The following UCK2 variants were observed in gnomAD, a reference collection of about 807,000 sequenced individuals.
UCK2 encodes the protein cytidine monophosphokinase 2.
In UCK2, 6 loss-of-function variants were observed where a neutral mutation model predicts 30.8. The ratio of observed to expected loss-of-function variants is 0.19; its 90% CI spans 0.11 to 0.38. The LOEUF (loss-of-function observed/expected upper bound fraction) is 0.38, where lower values mean the gene tolerates loss of function less well. Among genes scored for constraint, UCK2 ranks in the 10% least tolerant of loss-of-function variants. UCK2 has a pLI of 1.00. For missense variants in UCK2, 210 were observed against 339.8 expected (o/e 0.62, Z 3.00); for synonymous variants, 125 against 133.6 (o/e 0.94, Z 0.45).
chr1:165,898,481 G>C (rs954263993), intron 4 of UCK2, among the ~76,000 whole-genome samples: 14 of 152,156 alleles, frequency 9.2e-5, no homozygotes, highest in African/African-American at 3.4e-4. Context: ...AGACTGGTTA[G>C]ATCCTCCAAG....
chr1:165,900,987 G>A (rs1223190243), intron 4 of UCK2, among the ~76,000 whole-genome samples: 1 of 152,106 alleles, frequency 6.6e-6, no homozygotes, highest in African/African-American at 2.4e-5. Flanking sequence ...TGGAGGCCGC[G>A]CTGGCTGTGT....
Position 165,910,794 on chromosome 1 carries a change from A to G in UCK2, c.*2971A>G, listed in dbSNP as rs512542. ...ACCTTGCCGCAGAACTAGCCTAATC[A>G]TCCCTGCTTCTGGTCTTGGCCACTT... On this transcript the variant is annotated 3_prime_UTR_variant, in exon 7 of 7. Transcript: ENST00000367879. The G allele has an allele frequency of 0.99, 150,158 of 152,404 alleles. 74,017 individuals carry two copies. Among genetic ancestry groups the G allele is most frequent in the East Asian group, 1 (5,174 of 5,174 alleles). 9.4% of individuals were successfully genotyped at this position (152,404 alleles called of 1,614,324 possible).
At chr1:165,851,567 A>G (rs540315857) in intron 1 of UCK2, among the ~76,000 whole-genome samples, 30 of 152,206 alleles carry the variant, frequency 2.0e-4, no homozygotes, top group African/African-American at 6.5e-4. Flanking sequence ...TGCAATATTT[A>G]TTAAAATGTA....
intron 1 of UCK2, among the ~76,000 whole-genome samples, chr1:165,832,910 C>T (rs1019682295): frequency 2.0e-4 from 30 of 151,940 alleles, no homozygotes; most frequent in African/African-American, 7.2e-4. Context: ...AAAATCTGTA[C>T]CTGTTTTGAA....
chr1:165,855,144 C>T (rs982258495), intron 1 of UCK2, among the ~76,000 whole-genome samples: 1 of 152,102 alleles, frequency 6.6e-6, no homozygotes, highest in Non-Finnish European at 1.5e-5. Context: ...AACTATCCTA[C>T]CCTGGAAAGA....
chr1:165,841,565 A>G (rs1314692706), intron 1 of UCK2, among the ~76,000 whole-genome samples: 2 of 152,144 alleles, frequency 1.3e-5, no homozygotes, highest in Non-Finnish European at 2.9e-5. Context: ...GAAAAGGTCC[A>G]TGTCTTCGTT....
At chr1:165,885,167 T>C (rs1029172629) in intron 1 of UCK2, 1 of 379,144 alleles carries the variant, frequency 2.6e-6, no homozygotes, top group Non-Finnish European at 4.7e-6. Context: ...ATGGAGAACA[T>C]CGGGGTGAAT....
At position 165,907,856 on chromosome 1, in the gene UCK2, AAGAGAC is replaced by A. The variant is rs748606486; in HGVS notation, c.*38_*43del. 36 of 1,610,768 alleles carry A rather than the reference AAGAGAC, an allele frequency of 2.2e-5. No homozygotes were observed. The highest frequency in any genetic ancestry group is 3.0e-5 in the Non-Finnish European group (35 of 1,178,128). On this transcript the variant is annotated 3_prime_UTR_variant, in exon 7 of 7. Transcript: ENST00000367879. ...CCATCGGACCCCAGCCCCTATCTCCAAGAGACAGAGGAGGGGTCAGGAGGCACTGCT... is the reference window on the plus strand; with the variant it reads ...CCATCGGACCCCAGCCCCTATCTCCAAGAGGAGGGGTCAGGAGGCACTGCT...
intron 3 of UCK2, chr1:165,894,506 G>A (rs1199022676): frequency 2.0e-5 from 3 of 152,144 alleles, no homozygotes; most frequent in African/African-American, 7.2e-5. Context: ...TATCTTGGGA[G>A]CTTCTAAATA....
In UCK2 at chr1:165,910,734, C is replaced by CCAGG. The variant is rs1159775595; in HGVS notation, c.*2912_*2915dup. 1 of 152,392 alleles carries CCAGG rather than the reference C, an allele frequency of 6.6e-6. No individual in the cohort carries two copies. The highest frequency in any genetic ancestry group is 6.5e-5 in the Admixed American group (1 of 15,282). The allele number at this position is 152,392 out of a possible 1,614,324, so 9.4% of individuals were successfully genotyped here. A position where few individuals can be genotyped will look rare whatever the true frequency, so the allele number is the denominator to read the frequency against. Reference sequence around the variant, plus strand: ...AACAACGGGATGTCTGTGGGACAGGCCAGGGAAGGAGGGCAGAGACAGGGT... The same window carrying CCAGG: ...AACAACGGGATGTCTGTGGGACAGGCCAGGCAGGGAAGGAGGGCAGAGACAGGGT... On this transcript the variant is annotated 3_prime_UTR_variant, in exon 7 of 7. Coordinates refer to ENST00000367879, the MANE Select transcript of UCK2 (RefSeq NM_012474.5).
chr1:165,861,686 T>C (rs1285826770), intron 1 of UCK2, among the ~76,000 whole-genome samples: 1 of 150,028 alleles, frequency 6.7e-6, no homozygotes, highest in African/African-American at 2.5e-5. Flanking sequence ...TAGCTCTGGT[T>C]TATTGACTGT....
At chr1:165,887,910 C>T (rs903946030) in intron 1 of UCK2, among the ~76,000 whole-genome samples, 7 of 152,090 alleles carry the variant, frequency 4.6e-5, no homozygotes, top group African/African-American at 9.7e-5. Flanking sequence ...TCCCAAAGTC[C>T]AGAGTAGTTT....
At chr1:165,848,495 A>G (rs960413228) in intron 1 of UCK2, among the ~76,000 whole-genome samples, 7 of 152,168 alleles carry the variant, frequency 4.6e-5, no homozygotes, top group African/African-American at 1.7e-4. Context: ...AGCCGGGTAT[A>G]TTGGCGTGTG....
intron 6 of UCK2, 76 bp downstream of exon 6, chr1:165,906,045 G>C: frequency 7.1e-7 from 1 of 1,407,086 alleles, no homozygotes; most frequent in Non-Finnish European, 1.0e-6. Flanking sequence ...AGGATGTGGT[G>C]ACCCTACAGG....
intron 3 of UCK2, chr1:165,891,630 C>G: frequency 3.6e-6 from 1 of 281,354 alleles, no homozygotes; most frequent in South Asian, 7.4e-5. Flanking sequence ...TCCAGTGCTG[C>G]TGTTCCTGGA....
At position 165,884,789 on chromosome 1, in the gene UCK2, C is replaced by T. The variant is rs957695537; in HGVS notation, c.100-5415C>T. Among the ~76,000 whole-genome samples the T allele has an allele frequency of 2.0e-5, 3 of 152,196 alleles. No individual in the cohort carries two copies. The East Asian group carries it at 5.8e-4, about 29-fold the overall frequency. On this transcript the variant is annotated intron_variant, in intron 1 of 6. Coordinates refer to ENST00000367879, the MANE Select transcript of UCK2 (RefSeq NM_012474.5). The stretch of plus-strand genomic sequence containing the variant: ...TTGTGTAGCAATACAGGAACCTATG[C>T]TGGCTCAACAGCTGCCCTTTTGGAA...
At chr1:165,890,867 T>C in intron 2 of UCK2, 2 of 274,190 alleles carry the variant, frequency 7.3e-6, no homozygotes, top group South Asian at 8.3e-5. Context: ...CTGGGCATGG[T>C]GCCTATTGTG....
chr1:165,875,877 A>G (rs1451944215), intron 1 of UCK2, among the ~76,000 whole-genome samples: 1 of 152,076 alleles, frequency 6.6e-6, no homozygotes, highest in East Asian at 1.9e-4. Context: ...GTTTTTTGGA[A>G]ACGTTCCTTC....
intron 1 of UCK2, among the ~76,000 whole-genome samples, chr1:165,856,967 A>C (rs953414307): frequency 8.0e-5 from 12 of 150,450 alleles, no homozygotes; most frequent in African/African-American, 2.9e-4. Context: ...AGGCAGGTAT[A>C]CATGTGCCTT....
Sources: allele counts gnomAD v4.1 joint callset (sites outside exome capture counted in the v4.1 genomes callset), GRCh38; gene constraint gnomAD v4.1.1; transcripts MANE v1.5; gene names NCBI Gene and HGNC (gene_info 2026-07-23, HGNC 2026-07-21).